The following KCNQ3 variants were observed in gnomAD, a reference collection of about 807,000 sequenced individuals.
The protein encoded by KCNQ3 is potassium voltage-gated channel subfamily KQT member 3.
KCNQ3 carries 30 observed loss-of-function variants against 92.5 expected under a neutral mutation model. The observed-to-expected ratio is 0.32, with a 90% confidence interval of 0.24 to 0.44. The LOEUF (loss-of-function observed/expected upper bound fraction) is 0.44, where lower values mean the gene tolerates loss of function less well. KCNQ3 is among the 20% of genes least tolerant of loss of function. KCNQ3 has a pLI of 1.00. For synonymous variants in KCNQ3, 450 were observed against 468.8 expected (o/e 0.96, Z 0.52); for missense variants, 913 against 1,140.3 (o/e 0.80, Z 2.87).
chr8:132,153,615 A>G (rs1825701968), intron 9 of KCNQ3, among the ~76,000 whole-genome samples: 1 of 152,132 alleles, frequency 6.6e-6, no homozygotes, highest in Non-Finnish European at 1.5e-5. Context: ...CATGGATAAA[A>G]ACACCCTCTT....
chr8:132,261,528 A>G (rs1388101776), intron 1 of KCNQ3, among the ~76,000 whole-genome samples: 1 of 152,220 alleles, frequency 6.6e-6, no homozygotes, highest in African/African-American at 2.4e-5. Context: ...AGCTTGGAAT[A>G]GAAAGGCAAT....
At chr8:132,409,605 C>T (rs1820593701) in intron 1 of KCNQ3, among the ~76,000 whole-genome samples, 1 of 152,212 alleles carries the variant, frequency 6.6e-6, no homozygotes, top group Non-Finnish European at 1.5e-5. Context: ...GGACATCCCT[C>T]ATCATCTACC....
rs1824828635 is a variant in KCNQ3, at chr8:132,130,092, T to G, written c.1885-96A>C. ...AAATATTCTTTTTTTTTGTTTTTTT[T>G]TTTTTTTTGAGACGAAGTCTCAGTC... On this transcript the variant is annotated intron_variant, in intron 14 of 14. Coordinates refer to ENST00000388996, the MANE Select transcript of KCNQ3 (RefSeq NM_004519.4). The G allele has an allele frequency of 7.8e-6, 11 of 1,403,598 alleles. 1 individual carries two copies. Among genetic ancestry groups the G allele is most frequent in the Non-Finnish European group, 2.9e-6 (3 of 1,029,500 alleles). The allele number at this position is 1,403,598 out of a possible 1,614,324, so 86.9% of individuals were successfully genotyped here. A position where few individuals can be genotyped will look rare whatever the true frequency, so the allele number is the denominator to read the frequency against.
intron 1 of KCNQ3, among the ~76,000 whole-genome samples, chr8:132,464,717 C>T (rs1179042465): frequency 6.6e-6 from 1 of 152,232 alleles, no homozygotes; most frequent in Non-Finnish European, 1.5e-5. Context: ...TCCATTTAAA[C>T]AGTGTTGACA....
At chr8:132,405,521 C>G (rs1188798047) in intron 1 of KCNQ3, among the ~76,000 whole-genome samples, 3 of 152,148 alleles carry the variant, frequency 2.0e-5, no homozygotes, top group Non-Finnish European at 4.4e-5. Context: ...ACTGGGTTGA[C>G]GGGTGAGTAC....
intron 1 of KCNQ3, among the ~76,000 whole-genome samples, chr8:132,404,480 A>G (rs974104832): frequency 3.9e-5 from 6 of 152,228 alleles, no homozygotes; most frequent in Non-Finnish European, 5.9e-5. Flanking sequence ...AATTCAATCA[A>G]TTGAAAGGCC....
intron 1 of KCNQ3, among the ~76,000 whole-genome samples, chr8:132,199,223 T>C (rs1402329239): frequency 6.6e-6 from 1 of 152,186 alleles, no homozygotes; most frequent in Non-Finnish European, 1.5e-5. Context: ...CTTTAAAGGA[T>C]TAAAAACTTC....
intron 1 of KCNQ3, among the ~76,000 whole-genome samples, chr8:132,374,003 G>A (rs1350361843): frequency 6.6e-6 from 1 of 152,100 alleles, no homozygotes; most frequent in African/African-American, 2.4e-5. Context: ...GTTCTCCCGG[G>A]TGCCATCAGA....
In KCNQ3 at chr8:132,129,319, C is replaced by A; in HGVS notation, c.2562G>T (p.Ser854=). The change falls in exon 15 of 15, where the codon TCG becomes TCT. Residue 854 remains serine (S), a synonymous_variant. Coordinates refer to ENST00000388996, the MANE Select transcript of KCNQ3 (RefSeq NM_004519.4). The surrounding 1 kb of genome is among the most constrained non-coding windows in gnomAD (Gnocchi z 5.9). ...AATCAGAAATCCCATCCCCTGTGGA[C>A]GACAGAGGCATGGAGCCGCTGGGCG... The part of the protein sequence containing the change: ...PFTPSGSMPL[S]STGDGISDSV... The A allele has an allele frequency of 6.2e-7, 1 of 1,614,080 alleles. No individual in the cohort carries two copies. Among genetic ancestry groups the A allele is most frequent in the Non-Finnish European group, 8.5e-7 (1 of 1,180,030 alleles).
chr8:132,132,439 T>C (rs530336633), intron 13 of KCNQ3, among the ~76,000 whole-genome samples, 175 bp from the exon 14 acceptor site: 2 of 152,332 alleles, frequency 1.3e-5, no homozygotes, highest in Admixed American at 1.3e-4. Context: ...AAGTCAGAGT[T>C]TTTCTGCATT....
At chr8:132,293,463 A>G (rs1294118469) in intron 1 of KCNQ3, among the ~76,000 whole-genome samples, 2 of 152,146 alleles carry the variant, frequency 1.3e-5, no homozygotes, top group East Asian at 3.9e-4. Context: ...ACCTTTGGTC[A>G]CAGATGTCTT....
At chr8:132,288,440 GATGCTCTGCTGCT>G (rs1816741154) in intron 1 of KCNQ3, among the ~76,000 whole-genome samples, 1 of 152,142 alleles carries the variant, frequency 6.6e-6, no homozygotes, top group Non-Finnish European at 1.5e-5. Context: ...ATAAACATGA[GATGCTCTGCTGCT>G]TTTGGACTAC....
chr8:132,227,004 A>C (rs1167134202), intron 1 of KCNQ3, among the ~76,000 whole-genome samples: 1 of 151,902 alleles, frequency 6.6e-6, no homozygotes, highest in Non-Finnish European at 1.5e-5. Flanking sequence ...AGTTACAGGG[A>C]AGGAAGTGGC....
intron 1 of KCNQ3, among the ~76,000 whole-genome samples, chr8:132,259,192 AT>A (rs1478852578): frequency 6.6e-6 from 1 of 151,854 alleles, no homozygotes; most frequent in Non-Finnish European, 1.5e-5. Context: ...TCAGATAAAA[AT>A]ATCAGAATAA....
chr8:132,303,795 C>T (rs1375227857), intron 1 of KCNQ3, among the ~76,000 whole-genome samples: 1 of 147,634 alleles, frequency 6.8e-6, no homozygotes, highest in Non-Finnish European at 1.5e-5. Flanking sequence ...TAAAATATTA[C>T]ATGTGTGTAT....
intron 1 of KCNQ3, among the ~76,000 whole-genome samples, chr8:132,345,305 G>A (rs1258438570): frequency 6.6e-6 from 1 of 152,146 alleles, no homozygotes; most frequent in East Asian, 1.9e-4. Flanking sequence ...GATTTAAAAA[G>A]TGCAATGAAG....
At chr8:132,408,428 C>G (rs1344416888) in intron 1 of KCNQ3, among the ~76,000 whole-genome samples, 1 of 152,160 alleles carries the variant, frequency 6.6e-6, no homozygotes, top group Non-Finnish European at 1.5e-5. Flanking sequence ...GTTCGACTCT[C>G]TACCTGATGC....
rs1824761652 is a variant in KCNQ3, at chr8:132,129,029, G to T, written c.*233C>A. The T allele has an allele frequency of 1.7e-6, 1 of 581,586 alleles. No individual in the cohort carries two copies. Among genetic ancestry groups the T allele is most frequent in the Admixed American group, 3.0e-5 (1 of 33,266 alleles). The allele number at this position is 581,586 out of a possible 1,614,324, so 36.0% of individuals were successfully genotyped here. A position where few individuals can be genotyped will look rare whatever the true frequency, so the allele number is the denominator to read the frequency against. ...ATGTGTATCCTAGAAGAGATTAGCG[G>T]AACCATTTATATAGTGTAAAGTCAT... On this transcript the variant is annotated 3_prime_UTR_variant, in exon 15 of 15. Transcript: ENST00000388996. This position sits in a 1 kb window ranked among gnomAD's most constrained non-coding sequence, Gnocchi z 5.9.
intron 1 of KCNQ3, among the ~76,000 whole-genome samples, chr8:132,465,477 A>AGCACTT (rs200197082): frequency 0.031 from 4,768 of 152,276 alleles, 122 homozygotes; most frequent in Non-Finnish European, 0.044. Flanking sequence ...CTGTAATCCC[A>AGCACTT]GCACTTTCGG....
Sources: gnomAD v4.1 joint callset for allele counts (sites outside exome capture counted in the v4.1 genomes callset) on GRCh38, gnomAD v4.1.1 for gene constraint, Gnocchi (gnomAD v3.1) non-coding constraint, MANE v1.5 for transcripts, NCBI Gene and HGNC (gene_info 2026-07-23, HGNC 2026-07-21) for gene names.